Variants in HPSE2 observed in about 807,000 individuals in gnomAD.
The protein encoded by HPSE2 is heparanase 2 (inactive), also known as inactive heparanase-2.
A neutral mutation model predicts 60.5 loss-of-function variants in HPSE2; 38 were observed. The ratio of observed to expected loss-of-function variants is 0.63; its 90% CI spans 0.48 to 0.82. HPSE2 has a LOEUF of 0.82. Among genes scored for constraint, HPSE2 ranks in the 40% least tolerant of loss-of-function variants. The pLI is 0.00. For synonymous variants in HPSE2, 295 were observed against 293.2 expected, an observed-to-expected ratio of 1.01 and a Z score of -0.06; for missense variants, 713 against 740.4, an observed-to-expected ratio of 0.96 and a Z score of 0.43.
intron 3 of HPSE2, among the ~76,000 whole-genome samples, chr10:99,132,297 A>G (rs1845474113): frequency 6.6e-6 from 1 of 151,816 alleles, no homozygotes; most frequent in African/African-American, 2.4e-5. Context: ...CCAGTAAAGA[A>G]TTTATGCATG....
chr10:98,758,175 TA>T (rs544198199), intron 3 of HPSE2, among the ~76,000 whole-genome samples: 5 of 151,272 alleles, frequency 3.3e-5, no homozygotes, highest in Non-Finnish European at 5.9e-5. Context: ...TTCCACCATA[TA>T]AAAAATCAAC....
chr10:99,077,707 T>C (rs186005036), intron 3 of HPSE2, among the ~76,000 whole-genome samples: 83 of 63,714 alleles, frequency 1.3e-3, no homozygotes, highest in Admixed American at 4.6e-3. Flanking sequence ...TATATGTGTA[T>C]GTGTGTATAT....
chr10:99,016,281 G>C (rs1433355524), intron 3 of HPSE2, among the ~76,000 whole-genome samples: 1 of 152,104 alleles, frequency 6.6e-6, no homozygotes, highest in Non-Finnish European at 1.5e-5. Context: ...ACCATTTATT[G>C]AATAGGGAAT....
intron 3 of HPSE2, among the ~76,000 whole-genome samples, chr10:99,093,574 T>C (rs899014976): frequency 3.9e-5 from 6 of 152,134 alleles, no homozygotes; most frequent in Non-Finnish European, 5.9e-5. Flanking sequence ...GGTGAGGCCA[T>C]CTTCTTCCAA....
intron 6 of HPSE2, among the ~76,000 whole-genome samples, chr10:98,643,644 CT>C (rs1156967917): frequency 1.3e-5 from 2 of 152,082 alleles, no homozygotes; most frequent in African/African-American, 2.4e-5. Context: ...CATAGTAGTA[CT>C]TCTTCATTAG....
intron 9 of HPSE2, among the ~76,000 whole-genome samples, chr10:98,527,474 G>A (rs1013875442): frequency 6.6e-6 from 1 of 152,008 alleles, no homozygotes; most frequent in African/African-American, 2.4e-5. Context: ...TCCCTTCTAA[G>A]GCCCCTGCGC....
intron 3 of HPSE2, among the ~76,000 whole-genome samples, chr10:99,073,939 G>T (rs898198947): frequency 3.5e-4 from 45 of 127,846 alleles, no homozygotes; most frequent in Middle Eastern, 4.5e-3. Context: ...AGTTCCAAAA[G>T]TTTTTTTTTT....
chr10:98,994,545 A>C (rs1278106311), intron 3 of HPSE2, among the ~76,000 whole-genome samples: 1 of 152,240 alleles, frequency 6.6e-6, no homozygotes, highest in African/African-American at 2.4e-5. Context: ...ACAGCAGCCC[A>C]CTGCAGAGCA....
chr10:98,603,263 G>A (rs1945479181), intron 9 of HPSE2, among the ~76,000 whole-genome samples: 1 of 152,042 alleles, frequency 6.6e-6, no homozygotes, highest in African/African-American at 2.4e-5. Context: ...AAGTTTGAGA[G>A]TTTGCAACTC....
chr10:99,169,027 T>TA (rs993099565), intron 2 of HPSE2, among the ~76,000 whole-genome samples: 31 of 150,652 alleles, frequency 2.1e-4, no homozygotes, highest in African/African-American at 7.3e-4. Flanking sequence ...CCATCTCAAC[T>TA]AAAAAAATAC....
intron 3 of HPSE2, among the ~76,000 whole-genome samples, chr10:98,944,051 G>C (rs953503479): frequency 2.0e-5 from 3 of 152,138 alleles, no homozygotes; most frequent in Non-Finnish European, 4.4e-5. Flanking sequence ...ACATGGGATA[G>C]GGTTGAGGAC....
chr10:99,203,867 A>C (rs4919283), intron 2 of HPSE2, among the ~76,000 whole-genome samples: 7,804 of 151,452 alleles, frequency 0.052, 421 homozygotes, highest in East Asian at 0.16. Flanking sequence ...AGAAGCCAGG[A>C]CCGCTCCACC....
At chr10:99,186,499 C>T (rs553014166) in intron 2 of HPSE2, among the ~76,000 whole-genome samples, 140 of 116,034 alleles carry the variant, frequency 1.2e-3, no homozygotes, top group African/African-American at 4.2e-3. Context: ...GCCAAGATTA[C>T]GCCAGTGTAC....
the HPSE2 span, among the ~76,000 whole-genome samples, chr10:99,305,409 T>C: frequency 2.0e-4 from 31 of 152,270 alleles, no homozygotes; most frequent in South Asian, 5.8e-3. Context: ...CTGACCAAAA[T>C]TGCAAACCAG....
At chr10:98,878,877 A>G (rs977433493) in intron 3 of HPSE2, among the ~76,000 whole-genome samples, 2 of 151,922 alleles carry the variant, frequency 1.3e-5, no homozygotes, top group African/African-American at 4.8e-5. Flanking sequence ...GATTATAGAG[A>G]CTGGATTACA....
At chr10:99,118,787 T>TG (rs1484954471) in intron 3 of HPSE2, among the ~76,000 whole-genome samples, 1 of 151,860 alleles carries the variant, frequency 6.6e-6, no homozygotes, top group Non-Finnish European at 1.5e-5. Context: ...GAGGCTGAGG[T>TG]GGTCAGACCA....
At chr10:99,284,792 C>G in the HPSE2 span, among the ~76,000 whole-genome samples, 1 of 152,030 alleles carries the variant, frequency 6.6e-6, no homozygotes, top group Non-Finnish European at 1.5e-5. Context: ...CAGCACTATT[C>G]ACAATAGCAA....
At position 99,194,470 on chromosome 10, in the gene HPSE2, TAAAAC is replaced by T. The variant is rs1253660657; in HGVS notation, c.448+37873_448+37877del. Among the ~76,000 whole-genome samples, 3 of 150,524 alleles carry T rather than the reference TAAAAC, an allele frequency of 2.0e-5. No homozygotes were observed. In the East Asian group the frequency reaches 5.9e-4, roughly 29 times the overall value. On this transcript the variant is annotated intron_variant, in intron 2 of 11. Coordinates refer to ENST00000370552, the MANE Select transcript of HPSE2 (RefSeq NM_021828.5). ...TGAAACAAAAAATACAAAGGATTGATAAAACAAAGAGTTCATTTTCTGAAAAGACA... is the reference window on the plus strand; with the variant it reads ...TGAAACAAAAAATACAAAGGATTGATAAAGAGTTCATTTTCTGAAAAGACA...
intron 2 of HPSE2, among the ~76,000 whole-genome samples, chr10:99,159,313 T>A (rs1320105248): frequency 1.3e-5 from 2 of 152,114 alleles, no homozygotes; most frequent in African/African-American, 4.8e-5. Context: ...GAGGGAGGCA[T>A]TTTCAAAAGG....
Sources: allele counts gnomAD v4.1 joint callset (sites outside exome capture counted in the v4.1 genomes callset), GRCh38; gene constraint gnomAD v4.1.1; transcripts MANE v1.5; gene names NCBI Gene and HGNC (gene_info 2026-07-23, HGNC 2026-07-21).